The following KCNH5 variants were observed in gnomAD, a reference collection of about 807,000 sequenced individuals.
The protein encoded by KCNH5 is potassium voltage-gated channel subfamily H member 5, also known as voltage-gated delayed rectifier potassium channel KCNH5.
A neutral mutation model predicts 96.1 loss-of-function variants in KCNH5; 46 were observed. The observed-to-expected ratio is 0.48, with a 90% CI of 0.38 to 0.61. The LOEUF is 0.61. Among genes scored for constraint, KCNH5 ranks in the 20% least tolerant of loss-of-function variants. The probability of loss-of-function intolerance (pLI) is 0.00; values close to 1 mark genes in which losing one functional copy is unlikely to be tolerated. For missense variants in KCNH5, 907 were observed against 1,225.8 expected, an observed-to-expected ratio of 0.74 and a Z score of 3.88; for synonymous variants, 439 against 449.8, an observed-to-expected ratio of 0.98 and a Z score of 0.30.
intron 7 of KCNH5, among the ~76,000 whole-genome samples, chr14:62,937,490 A>G (rs183713336): frequency 1.1e-4 from 17 of 151,014 alleles, no homozygotes; most frequent in Admixed American, 6.6e-4. Context: ...GGCCACCCCT[A>G]GCCCACCTTC....
intron 7 of KCNH5, among the ~76,000 whole-genome samples, chr14:62,852,723 T>C (rs1887832186): frequency 6.6e-6 from 1 of 152,204 alleles, no homozygotes; most frequent in African/African-American, 2.4e-5. Context: ...AAATCACTTC[T>C]TCCTTATGAA....
chr14:62,787,902 A>G (rs373863272), intron 9 of KCNH5, among the ~76,000 whole-genome samples: 2 of 152,210 alleles, frequency 1.3e-5, no homozygotes, highest in African/African-American at 2.4e-5. Context: ...TTGACAATGC[A>G]TCTGGTCACC....
intron 10 of KCNH5, among the ~76,000 whole-genome samples, chr14:62,742,275 CAT>C (rs1419903186): frequency 6.6e-6 from 1 of 152,116 alleles, no homozygotes; most frequent in African/African-American, 2.4e-5. Context: ...AACAAATTAA[CAT>C]AATTAAATTT....
intron 7 of KCNH5, among the ~76,000 whole-genome samples, chr14:62,895,308 C>CAAT (rs1354390980): frequency 6.6e-6 from 1 of 151,306 alleles, no homozygotes; most frequent in African/African-American, 2.4e-5. Flanking sequence ...CTCTATTAGT[C>CAAT]AATAATAATT....
chr14:62,850,577 T>C (rs570125300), intron 7 of KCNH5, among the ~76,000 whole-genome samples: 99 of 152,170 alleles, frequency 6.5e-4, no homozygotes, highest in Non-Finnish European at 1.1e-3. Flanking sequence ...GGACTACAGG[T>C]GGTATAGGGT....
intron 7 of KCNH5, among the ~76,000 whole-genome samples, chr14:62,870,265 T>C (rs1034572340): frequency 1.1e-4 from 16 of 152,214 alleles, no homozygotes; most frequent in Non-Finnish European, 2.4e-4. Context: ...TCTCATGCAT[T>C]TCATAAAGTG....
At chr14:62,711,389 T>G (rs149631282) in intron 10 of KCNH5, among the ~76,000 whole-genome samples, 29 of 152,286 alleles carry the variant, frequency 1.9e-4, no homozygotes, top group African/African-American at 6.7e-4. Flanking sequence ...TGGATCTGTA[T>G]TTTGCTGTCG....
At chr14:62,942,182 C>G (rs1422621949) in intron 7 of KCNH5, among the ~76,000 whole-genome samples, 2 of 152,136 alleles carry the variant, frequency 1.3e-5, no homozygotes. Flanking sequence ...CTCCAATAAC[C>G]AGCTCCATGC....
intron 7 of KCNH5, among the ~76,000 whole-genome samples, chr14:62,888,405 T>A (rs576613711): frequency 1.8e-4 from 27 of 152,306 alleles, no homozygotes; most frequent in African/African-American, 6.5e-4. Context: ...TTTATCACCC[T>A]TGGCAGGAAA....
chr14:62,815,089 G>A (rs949470744), intron 8 of KCNH5, among the ~76,000 whole-genome samples: 2 of 152,080 alleles, frequency 1.3e-5, no homozygotes, highest in Admixed American at 6.6e-5. Flanking sequence ...ATAATGAACC[G>A]CTATTCAGCA....
intron 7 of KCNH5, among the ~76,000 whole-genome samples, chr14:62,855,907 A>C (rs578130043): frequency 1.8e-4 from 27 of 152,136 alleles, no homozygotes; most frequent in Middle Eastern, 3.4e-3. Flanking sequence ...CACTATACCA[A>C]CCTCTGGGAA....
chr14:62,859,908 G>A (rs1888000175), intron 7 of KCNH5, among the ~76,000 whole-genome samples: 1 of 152,196 alleles, frequency 6.6e-6, no homozygotes, highest in Non-Finnish European at 1.5e-5. Context: ...TGCAGGCTGG[G>A]GAAGAGAAGG....
intron 9 of KCNH5, among the ~76,000 whole-genome samples, chr14:62,798,978 C>G (rs2139996212): frequency 6.6e-6 from 1 of 152,232 alleles, no homozygotes; most frequent in Non-Finnish European, 1.5e-5. Context: ...CTAATTTAGG[C>G]AAGTTCCCAT....
chr14:62,817,219 T>C (rs1887003083), intron 8 of KCNH5, among the ~76,000 whole-genome samples: 2 of 137,370 alleles, frequency 1.5e-5, no homozygotes, highest in South Asian at 4.3e-4. Context: ...TTATATATTA[T>C]ATATAATATA....
rs547306446 is a variant in KCNH5 at position 62,774,853 on chromosome 14, C to T, written c.2019+4875G>A. The stretch of plus-strand genomic sequence containing the variant: ...GGTCCTTCTGCTCAATTCAGTTTAG[C>T]TTCTGACTCTCACACATGGGATCTT... On this transcript the variant is annotated intron_variant, in intron 10 of 10. Coordinates refer to ENST00000322893, the MANE Select transcript of KCNH5 (RefSeq NM_139318.5). Among the ~76,000 whole-genome samples the T allele has an allele frequency of 4.6e-5, 7 of 152,222 alleles. No homozygotes were observed. The East Asian group carries it at 1.4e-3, about 29-fold the overall frequency.
chr14:62,856,039 C>A (rs1887921415), intron 7 of KCNH5, among the ~76,000 whole-genome samples: 1 of 152,134 alleles, frequency 6.6e-6, no homozygotes, highest in African/African-American at 2.4e-5. Flanking sequence ...GAATCTTTCT[C>A]TTTTTATAGT....
intron 6 of KCNH5, among the ~76,000 whole-genome samples, chr14:62,957,437 C>T (rs1248215611): frequency 6.6e-6 from 1 of 152,154 alleles, no homozygotes; most frequent in Non-Finnish European, 1.5e-5. Context: ...TGATTTTGCA[C>T]CTACACTTTG....
chr14:62,792,825 C>G (rs946682552), intron 9 of KCNH5, among the ~76,000 whole-genome samples: 5 of 151,806 alleles, frequency 3.3e-5, no homozygotes, highest in Middle Eastern at 3.4e-3. Flanking sequence ...AAATCAAAAT[C>G]TCAAAGAGAT....
intron 8 of KCNH5, among the ~76,000 whole-genome samples, chr14:62,840,904 A>T (rs1357465787): frequency 6.6e-6 from 1 of 151,514 alleles, no homozygotes; most frequent in African/African-American, 2.4e-5. Flanking sequence ...CTTTTATTTC[A>T]ATCTATTCAC....
Sources: gnomAD v4.1 joint callset for allele counts (sites outside exome capture counted in the v4.1 genomes callset) on GRCh38, gnomAD v4.1.1 for gene constraint, MANE v1.5 for transcripts, NCBI Gene and HGNC (gene_info 2026-07-23, HGNC 2026-07-21) for gene names.